The following INTU variants were observed in gnomAD, a reference collection of about 807,000 sequenced individuals.
INTU encodes the protein inturned planar cell polarity protein.
INTU carries 68 observed loss-of-function variants against 100.5 expected under a neutral mutation model. The observed-to-expected ratio is 0.68, with a 90% CI of 0.56 to 0.83. The LOEUF (loss-of-function observed/expected upper bound fraction) is 0.83. Among genes scored for constraint, INTU ranks in the 40% least tolerant of loss-of-function variants. The probability of loss-of-function intolerance (pLI) is 0.00; values close to 1 mark genes in which losing one functional copy is unlikely to be tolerated. For synonymous variants in INTU, 357 were observed against 395.7 expected, an observed-to-expected ratio of 0.90 and a Z score of 1.16; for missense variants, 1,071 against 1,114.7, an observed-to-expected ratio of 0.96 and a Z score of 0.56.
At chr4:127,662,035 A>G (rs1170412619) in intron 3 of INTU, among the ~76,000 whole-genome samples, 1 of 152,052 alleles carries the variant, frequency 6.6e-6, no homozygotes, top group Admixed American at 6.5e-5. Flanking sequence ...TTCCCTGATG[A>G]TTAGTCATGT....
intron 8 of INTU, among the ~76,000 whole-genome samples, chr4:127,695,171 G>A (rs1730327475): frequency 6.6e-6 from 1 of 152,142 alleles, no homozygotes; most frequent in Non-Finnish European, 1.5e-5. Flanking sequence ...TCAGAGTATG[G>A]TAGTTTTCCT....
intron 2 of INTU, among the ~76,000 whole-genome samples, chr4:127,648,223 C>G (rs2126182967): frequency 6.6e-6 from 1 of 152,212 alleles, no homozygotes; most frequent in Admixed American, 6.5e-5. Context: ...AAAGACCTTT[C>G]CTTGGGTTTA....
chr4:127,645,184 G>C (rs1215282353), intron 2 of INTU, among the ~76,000 whole-genome samples: 1 of 152,202 alleles, frequency 6.6e-6, no homozygotes, highest in Non-Finnish European at 1.5e-5. Context: ...TCCTCCCATG[G>C]AGAGTTGTGC....
At chr4:127,682,873 AC>A (rs1729645015) in intron 6 of INTU, among the ~76,000 whole-genome samples, 1 of 152,332 alleles carries the variant, frequency 6.6e-6, no homozygotes, top group South Asian at 2.1e-4. Flanking sequence ...TCTCTTTAAG[AC>A]TTTTGTAGCA....
intron 5 of INTU, among the ~76,000 whole-genome samples, chr4:127,673,058 A>G (rs1311480587): frequency 6.6e-6 from 1 of 152,244 alleles, no homozygotes; most frequent in African/African-American, 2.4e-5. Context: ...TTGTTTATAT[A>G]TTTGTGTCCC....
intron 1 of INTU, among the ~76,000 whole-genome samples, chr4:127,638,297 G>A (rs752388620): frequency 1.3e-5 from 2 of 151,982 alleles, no homozygotes; most frequent in Non-Finnish European, 2.9e-5. Flanking sequence ...TGACCACTTC[G>A]GTAAAGTGCA....
intron 4 of INTU, among the ~76,000 whole-genome samples, chr4:127,666,743 C>T (rs553162722): frequency 1.7e-4 from 26 of 152,336 alleles, no homozygotes; most frequent in Middle Eastern, 3.4e-3. Context: ...TCTGGTTTTA[C>T]AGCGCAAGGG....
intron 2 of INTU, among the ~76,000 whole-genome samples, chr4:127,653,432 C>T (rs997921964): frequency 3.4e-5 from 5 of 145,764 alleles, no homozygotes; most frequent in Non-Finnish European, 7.6e-5. Flanking sequence ...TCTTTGTTCT[C>T]GTTGGTTTCA....
rs545577692 is a variant in INTU, at chr4:127,724,701, C to G, written c.*8265C>G. 2 of 152,176 alleles carry G rather than the reference C, an allele frequency of 1.3e-5. No homozygotes were observed. Among genetic ancestry groups the G allele is most frequent in the African/African-American group, 4.8e-5 (2 of 41,444 alleles). The allele number at this position is 152,176 out of a possible 1,614,324, so 9.4% of individuals were successfully genotyped here. The stretch of plus-strand genomic sequence containing the variant: ...ACACTGAGCTGTTTCTTCTCCAGGT[C>G]TTAAGCTTTGAATACAAGCTATACC... On this transcript the variant is annotated 3_prime_UTR_variant, in exon 16 of 16. Transcript: ENST00000335251.
At chr4:127,703,512 C>A (rs1312499842) in intron 9 of INTU, among the ~76,000 whole-genome samples, 1 of 152,160 alleles carries the variant, frequency 6.6e-6, no homozygotes, top group African/African-American at 2.4e-5. Flanking sequence ...GGTGGGGATG[C>A]TATTTTTAAC....
rs555405977 is a variant in INTU, at chr4:127,657,242, A to C, written c.768+521A>C. 3.3e-5 allele frequency among the ~76,000 whole-genome samples: 5 copies of C among 152,286 alleles called. No individual in the cohort carries two copies. In the South Asian group the frequency reaches 1.0e-3, roughly 32 times the overall value. On this transcript the variant is annotated intron_variant, in intron 3 of 15. Coordinates refer to ENST00000335251, the MANE Select transcript of INTU (RefSeq NM_015693.4). The stretch of plus-strand genomic sequence containing the variant: ...TTTTCAATCCTTGTAGATAGAAATA[A>C]ATTTATTTTATAAAAAGTAATTTTG...
intron 6 of INTU, chr4:127,675,829 C>A: frequency 4.8e-6 from 1 of 206,828 alleles, no homozygotes; most frequent in Non-Finnish European, 1.1e-5. Flanking sequence ...GCTACAAGAC[C>A]TTTTATGGCT....
intron 8 of INTU, among the ~76,000 whole-genome samples, chr4:127,693,643 C>G (rs537319504): frequency 2.0e-5 from 3 of 152,182 alleles, no homozygotes; most frequent in African/African-American, 7.2e-5. Flanking sequence ...GCATCCTTGT[C>G]TTGTTCCAGT....
chr4:127,703,355 G>A (rs2148728799), intron 9 of INTU, among the ~76,000 whole-genome samples: 1 of 152,230 alleles, frequency 6.6e-6, no homozygotes. Context: ...TCCAAGCATG[G>A]TTATTAAAAG....
intron 7 of INTU, chr4:127,685,770 G>T: frequency 4.7e-6 from 1 of 213,340 alleles, no homozygotes. Context: ...TTAAATTTTT[G>T]CAATGATTTT....
In INTU at chr4:127,723,621, T is replaced by C. The variant is rs1176080115; in HGVS notation, c.*7185T>C. On this transcript the variant is annotated 3_prime_UTR_variant, in exon 16 of 16. Coordinates refer to ENST00000335251, the MANE Select transcript of INTU (RefSeq NM_015693.4). ...ATATATATGTGTGTGTGTGTATATA[T>C]ATGTATTTTTTAAACTATTTGTCAA... 3 of 152,124 alleles carry C rather than the reference T, an allele frequency of 2.0e-5. No individual in the cohort carries two copies. Among genetic ancestry groups the C allele is most frequent in the African/African-American group, 7.2e-5 (3 of 41,410 alleles). The allele number at this position is 152,124 out of a possible 1,614,324, so 9.4% of individuals were successfully genotyped here.
chr4:127,684,858 C>T (rs546233349), intron 7 of INTU, among the ~76,000 whole-genome samples: 96 of 151,556 alleles, frequency 6.3e-4, no homozygotes, highest in Middle Eastern at 6.8e-3. Context: ...AGTGATATAA[C>T]CACAACTGTG....
At chr4:127,674,042 A>G in intron 5 of INTU, 82 bp from the exon 6 acceptor site, 1 of 834,610 alleles carries the variant, frequency 1.2e-6, no homozygotes. Context: ...ATCATACCAT[A>G]TGCAATCTTT....
chr4:127,685,602 G>A (rs1729787959), intron 7 of INTU: 1 of 359,536 alleles, frequency 2.8e-6, no homozygotes, highest in Non-Finnish European at 5.6e-6. Flanking sequence ...TCCATAAATA[G>A]TGCTTTTACC....
Sources: gnomAD v4.1 joint callset for allele counts (sites outside exome capture counted in the v4.1 genomes callset) on GRCh38, gnomAD v4.1.1 for gene constraint, MANE v1.5 for transcripts, NCBI Gene and HGNC (gene_info 2026-07-23, HGNC 2026-07-21) for gene names.